Variants in NDUFS1 observed in about 807,000 individuals in gnomAD.
NDUFS1 encodes NADH-ubiquinone oxidoreductase 75 kDa subunit, mitochondrial.
NDUFS1 carries 61 observed loss-of-function variants against 84.4 expected under a neutral mutation model. That is an observed-to-expected ratio of 0.72 (90% CI 0.59 to 0.89). NDUFS1 has a LOEUF of 0.89. Ranked by LOEUF, NDUFS1 falls within the 40% of genes least tolerant of loss-of-function variation. The probability of loss-of-function intolerance (pLI) is 0.00; values close to 1 mark genes in which losing one functional copy is unlikely to be tolerated. For synonymous variants in NDUFS1, 275 were observed against 290.0 expected, an observed-to-expected ratio of 0.95 and a Z score of 0.53; for missense variants, 891 against 890.0, an observed-to-expected ratio of 1.00 and a Z score of -0.01.
At chr2:206,141,852 T>C in intron 12 of NDUFS1, 89 bp downstream of exon 12, 1 of 1,147,026 alleles carries the variant, frequency 8.7e-7, no homozygotes, top group Non-Finnish European at 1.3e-6. Context: ...TCACTACCAC[T>C]AACACTATTA....
intron 15 of NDUFS1, among the ~76,000 whole-genome samples, chr2:206,128,349 T>C (rs1393354111): frequency 6.6e-6 from 1 of 151,910 alleles, no homozygotes; most frequent in Non-Finnish European, 1.5e-5. Context: ...GTATTTTTAG[T>C]AGAGACAGGG....
chr2:206,139,154 G>A (rs1575969007), intron 12 of NDUFS1, among the ~76,000 whole-genome samples: 1 of 151,214 alleles, frequency 6.6e-6, no homozygotes, highest in Non-Finnish European at 1.5e-5. Flanking sequence ...AGAAAGAAAT[G>A]CTAGTAAGCC....
At chr2:206,155,597 T>C (rs933519329) in intron 1 of NDUFS1, among the ~76,000 whole-genome samples, 1 of 152,086 alleles carries the variant, frequency 6.6e-6, no homozygotes, top group South Asian at 2.1e-4. Flanking sequence ...TTTGTATTTT[T>C]AGTAGAGACA....
At chr2:206,144,576 G>A (rs1207868898) in intron 9 of NDUFS1, among the ~76,000 whole-genome samples, 3 of 152,120 alleles carry the variant, frequency 2.0e-5, no homozygotes, top group Non-Finnish European at 4.4e-5. Context: ...CAAAGTGCTG[G>A]GATTACAGGT....
chr2:206,144,637 A>G lies in NDUFS1; in HGVS notation c.872+255T>C, dbSNP rs10190619. On this transcript the variant is annotated intron_variant, in intron 9 of 18. Coordinates refer to ENST00000233190, the MANE Select transcript of NDUFS1 (RefSeq NM_005006.7). The stretch of plus-strand genomic sequence containing the variant: ...TCTTTTCTCTAATGAACAAACTGAA[A>G]TAAGTTGAGAATGTATCAATCTACT... Among the ~76,000 whole-genome samples the G allele has an allele frequency of 0.022, 3,404 of 152,290 alleles. 122 individuals are homozygous for G. Among genetic ancestry groups the G allele is most frequent in the African/African-American group, 0.078 (3,233 of 41,550 alleles).
At position 206,132,893 on chromosome 2, in the gene NDUFS1, T is replaced by A. The variant is rs894678510; in HGVS notation, c.1553+52A>T. 1.3e-5 allele frequency: 19 copies of A among 1,492,996 alleles called. No homozygotes were observed. In the African/African-American group the frequency reaches 2.2e-4, roughly 17 times the overall value. The allele number at this position is 1,492,996 out of a possible 1,614,324, so 92.5% of individuals were successfully genotyped here. ...TAACAGTGTATCAGGAACACATACATATACACAACATTACTTGAATTTATA... is the reference window on the plus strand; with the variant it reads ...TAACAGTGTATCAGGAACACATACAAATACACAACATTACTTGAATTTATA... On this transcript the variant is annotated intron_variant, in intron 14 of 18. Coordinates refer to ENST00000233190, the MANE Select transcript of NDUFS1 (RefSeq NM_005006.7).
chr2:206,140,148 C>T lies in NDUFS1; in HGVS notation c.1263-1534G>A, dbSNP rs1559053245. ...ACACTTGAGCTCAGGAGTTCAAGACCAGCCTGGGCAACATAGGGAGATCCT... is the reference window on the plus strand; with the variant it reads ...ACACTTGAGCTCAGGAGTTCAAGACTAGCCTGGGCAACATAGGGAGATCCT... On this transcript the variant is annotated intron_variant, in intron 12 of 18. Coordinates refer to ENST00000233190, the MANE Select transcript of NDUFS1 (RefSeq NM_005006.7). Among the ~76,000 whole-genome samples the T allele has an allele frequency of 2.0e-5, 3 of 152,074 alleles. No homozygotes were observed. In the South Asian group the frequency reaches 6.2e-4, roughly 32 times the overall value.
At position 206,123,385 on chromosome 2, in the gene NDUFS1, T is replaced by A. The variant is rs1047466342; in HGVS notation, c.*800A>T. On this transcript the variant is annotated 3_prime_UTR_variant, in exon 19 of 19. Transcript: ENST00000233190. Reference sequence around the variant, plus strand: ...ATCACCATGACATTATAGAAGCAGATTCAAGAGAAAATAGAAAAATGTGTT... The same window carrying A: ...ATCACCATGACATTATAGAAGCAGAATCAAGAGAAAATAGAAAAATGTGTT... 1 of 149,948 alleles carries A rather than the reference T, an allele frequency of 6.7e-6. No homozygotes were observed. Among genetic ancestry groups the A allele is most frequent in the African/African-American group, 2.4e-5 (1 of 41,006 alleles). 9.3% of individuals were successfully genotyped at this position (149,948 alleles called of 1,614,324 possible).
chr2:206,153,091 T>G (rs1033606166), intron 2 of NDUFS1, among the ~76,000 whole-genome samples: 3 of 152,194 alleles, frequency 2.0e-5, no homozygotes, highest in Admixed American at 1.3e-4. Flanking sequence ...ATTTTGGCAT[T>G]GATGTGTGTA....
At position 206,118,889 on chromosome 2, in the gene NDUFS1, A is replaced by G. The variant is rs1221586056; in HGVS notation, c.*5296T>C. ...GATCACCTGAGGTCAGGAGTTTGAGACCATCCTGCCCAACATGGTGAAACC... is the reference window on the plus strand; with the variant it reads ...GATCACCTGAGGTCAGGAGTTTGAGGCCATCCTGCCCAACATGGTGAAACC... On this transcript the variant is annotated 3_prime_UTR_variant, in exon 19 of 19. Coordinates refer to ENST00000233190, the MANE Select transcript of NDUFS1 (RefSeq NM_005006.7). The G allele has an allele frequency of 6.6e-6, 1 of 152,194 alleles. No homozygotes were observed. Among genetic ancestry groups the G allele is most frequent in the Non-Finnish European group, 1.5e-5 (1 of 68,074 alleles). The allele number at this position is 152,194 out of a possible 1,614,324, so 9.4% of individuals were successfully genotyped here.
At chr2:206,132,245 T>C (rs1691541623) in intron 14 of NDUFS1, among the ~76,000 whole-genome samples, 1 of 152,180 alleles carries the variant, frequency 6.6e-6, no homozygotes, top group Admixed American at 6.6e-5. Context: ...TGCACATATC[T>C]GTCTCTTTTC....
At chr2:206,138,347 C>CT (rs1691802293) in intron 13 of NDUFS1, 138 bp downstream of exon 13, 2 of 880,256 alleles carry the variant, frequency 2.3e-6, no homozygotes, top group Admixed American at 2.2e-5. Flanking sequence ...TCCCAAAGTG[C>CT]TGGGATTACA....
chr2:206,144,228 C>G lies in NDUFS1; in HGVS notation c.873-96G>C, dbSNP rs985443868. 29 of 908,900 alleles carry G rather than the reference C, an allele frequency of 3.2e-5. No individual in the cohort carries two copies. The African/African-American group carries it at 3.9e-4, about 12-fold the overall frequency. The allele number at this position is 908,900 out of a possible 1,614,324, so 56.3% of individuals were successfully genotyped here. A position where few individuals can be genotyped will look rare whatever the true frequency, so the allele number is the denominator to read the frequency against. Reference sequence around the variant, plus strand: ...CAAGAAATGTTATTTAAATACAGTACTGGTTAAAGTGTCAAATATCTAAAC... The same window carrying G: ...CAAGAAATGTTATTTAAATACAGTAGTGGTTAAAGTGTCAAATATCTAAAC... On this transcript the variant is annotated intron_variant, in intron 9 of 18. Coordinates refer to ENST00000233190, the MANE Select transcript of NDUFS1 (RefSeq NM_005006.7).
intron 1 of NDUFS1, among the ~76,000 whole-genome samples, chr2:206,155,664 T>G (rs952651571): frequency 6.6e-6 from 1 of 150,420 alleles, no homozygotes; most frequent in South Asian, 2.1e-4. Context: ...GTGATCCACC[T>G]GCCTTGGCCT....
At chr2:206,140,943 T>TATACACACACACACAC (rs367723817) in intron 12 of NDUFS1, among the ~76,000 whole-genome samples, 371 of 136,118 alleles carry the variant, frequency 2.7e-3, no homozygotes, top group African/African-American at 8.7e-3. Context: ...TATATATATA[T>TATACACACACACACAC]ACACACACAC....
At chr2:206,151,451 T>A (rs1013715469) in intron 3 of NDUFS1, among the ~76,000 whole-genome samples, 1 of 152,338 alleles carries the variant, frequency 6.6e-6, no homozygotes, top group Admixed American at 6.5e-5. Flanking sequence ...AGGGATGACC[T>A]GAGGCACCCA....
chr2:206,140,359 C>A (rs375351024), intron 12 of NDUFS1, among the ~76,000 whole-genome samples: 3 of 152,044 alleles, frequency 2.0e-5, no homozygotes, highest in East Asian at 3.9e-4. Context: ...CAAAAACTAG[C>A]TGGACGTGGT....
intron 13 of NDUFS1, among the ~76,000 whole-genome samples, chr2:206,136,556 C>T (rs1266401083): frequency 6.6e-6 from 1 of 151,132 alleles, no homozygotes; most frequent in Non-Finnish European, 1.5e-5. Flanking sequence ...CCCTCAGGCT[C>T]CCGAGTAGCT....
chr2:206,149,933 TAA>T lies in NDUFS1; in HGVS notation c.154-10_154-9del, dbSNP rs568965659. On this transcript the variant is annotated splice_polypyrimidine_tract_variant and intron_variant, in intron 3 of 18. Transcript: ENST00000233190. ...GCCAACCTTCTCACAAGCCTAGAAG[TAA>T]AAAAAAAAAAAAAAAAAAAAAAAGC... The T allele has an allele frequency of 0.17, 99,581 of 579,744 alleles. 5,001 individuals are homozygous for T. Among genetic ancestry groups the T allele is most frequent in the African/African-American group, 0.32 (9,124 of 28,322 alleles). 35.9% of individuals were successfully genotyped at this position (579,744 alleles called of 1,614,324 possible).
Sources: allele counts gnomAD v4.1 joint callset (sites outside exome capture counted in the v4.1 genomes callset), GRCh38; gene constraint gnomAD v4.1.1; transcripts MANE v1.5; gene names NCBI Gene and HGNC (gene_info 2026-07-23, HGNC 2026-07-21).